MMP26: variants seen among roughly 807,000 people sequenced by gnomAD.
MMP26 encodes matrix metalloproteinase-26.
MMP26 carries 33 observed loss-of-function variants against 31.0 expected under a neutral mutation model. The observed-to-expected ratio is 1.06, with a 90% CI of 0.81 to 1.42. MMP26 has a LOEUF of 1.42. Among genes scored for constraint, MMP26 ranks in the 40% most tolerant of loss-of-function variants. MMP26 has a pLI of 0.00. For synonymous variants in MMP26, 122 were observed against 114.9 expected (o/e 1.06, Z -0.40); for missense variants, 347 against 316.1 (o/e 1.10, Z -0.74).
At chr11:4,720,073 T>C (rs1400620041) in intron 1 of MMP26, among the ~76,000 whole-genome samples, 1 of 152,208 alleles carries the variant, frequency 6.6e-6, no homozygotes, top group Non-Finnish European at 1.5e-5. Flanking sequence ...CCTTTGCCTC[T>C]GGCCTCCTTG....
chr11:4,907,487 A>G, intron 2 of MMP26: 2 of 1,613,818 alleles, frequency 1.2e-6, no homozygotes, highest in African/African-American at 1.3e-5. Flanking sequence ...GCTTGCCATC[A>G]TGGGCAACTG....
intron 1 of MMP26, chr11:4,710,115 C>T (rs1329186445): frequency 4.4e-6 from 2 of 456,688 alleles, no homozygotes; most frequent in South Asian, 3.1e-5. Flanking sequence ...CTACTGCTTC[C>T]ACCCTGATGC....
intron 2 of MMP26, chr11:4,908,467 AGG>A: frequency 1.5e-6 from 1 of 680,838 alleles, no homozygotes; most frequent in Non-Finnish European, 2.5e-6. Context: ...ATAACTGAAC[AGG>A]ATAGAAAAAA....
intron 2 of MMP26, chr11:4,945,500 C>G (rs1846281287): frequency 1.3e-5 from 2 of 153,180 alleles, no homozygotes; most frequent in Non-Finnish European, 2.9e-5. Flanking sequence ...TTAAAAGAGA[C>G]ACTTACACAT....
intron 1 of MMP26, among the ~76,000 whole-genome samples, chr11:4,713,075 A>T (rs544505216): frequency 6.6e-6 from 1 of 152,114 alleles, no homozygotes; most frequent in African/African-American, 2.4e-5. Flanking sequence ...AAACGGATAT[A>T]TCAGAGTTTA....
intron 2 of MMP26, among the ~76,000 whole-genome samples, chr11:4,775,170 A>G (rs1042957590): frequency 6.6e-6 from 1 of 152,134 alleles, no homozygotes; most frequent in Non-Finnish European, 1.5e-5. Context: ...GAAGAATGTC[A>G]GTGGTAATTT....
chr11:4,992,319 CA>C lies in MMP26; in HGVS notation c.*78del. 6.9e-7 allele frequency: 1 copy of C among 1,453,158 alleles called. No individual in the cohort carries two copies. The highest frequency in any genetic ancestry group is 1.2e-5 in the South Asian group (1 of 81,394). The allele number at this position is 1,453,158 out of a possible 1,614,324, so 90.0% of individuals were successfully genotyped here. On this transcript the variant is annotated 3_prime_UTR_variant, in exon 8 of 8. Transcript: ENST00000380390. ...GATCAAAGAACTGAAAGCACTAGAG[CA>C]GCCTTGGGGACTGCTAGGATGAAGC...
Position 4,831,231 on chromosome 11 carries a change from C to T in MMP26, c.-145+63890C>T, listed in dbSNP as rs532130464. 1.7e-3 allele frequency among the ~76,000 whole-genome samples: 257 copies of T among 152,258 alleles called. 2 individuals are homozygous for T. Among genetic ancestry groups the T allele is most frequent in the African/African-American group, 5.9e-3 (245 of 41,544 alleles). On this transcript the variant is annotated intron_variant, in intron 2 of 7. Transcript: ENST00000380390. ...TTCCATGAAAGGACAAATGATCACACGTGGCCATCCTCTCTGCACCTCTTG... is the reference window on the plus strand; with the variant it reads ...TTCCATGAAAGGACAAATGATCACATGTGGCCATCCTCTCTGCACCTCTTG...
chr11:4,824,095 T>A (rs1189017265), intron 2 of MMP26, among the ~76,000 whole-genome samples: 2 of 152,144 alleles, frequency 1.3e-5, no homozygotes, highest in Non-Finnish European at 2.9e-5. Flanking sequence ...TTTTATTACA[T>A]ACTGGTAGTA....
chr11:4,748,004 T>G (rs73393019), intron 1 of MMP26, among the ~76,000 whole-genome samples: 7,235 of 151,512 alleles, frequency 0.048, 539 homozygotes, highest in African/African-American at 0.17. Flanking sequence ...TCAACAAAAT[T>G]AAAAGGTGGT....
intron 2 of MMP26, among the ~76,000 whole-genome samples, chr11:4,888,786 A>G (rs1407118129): frequency 6.6e-6 from 1 of 152,206 alleles, no homozygotes; most frequent in Non-Finnish European, 1.5e-5. Context: ...ATTGCTAACC[A>G]ACTCATAGCT....
At position 4,881,081 on chromosome 11, in the gene MMP26, T is replaced by C. The variant is rs116257654; in HGVS notation, c.-144-106987T>C. On this transcript the variant is annotated intron_variant, in intron 2 of 7. Transcript: ENST00000380390. ...AAGAGAGAAAGCACTAATATATTGCTCTGGTTAGCCAGCAATGTTGAGAAA... is the reference window on the plus strand; with the variant it reads ...AAGAGAGAAAGCACTAATATATTGCCCTGGTTAGCCAGCAATGTTGAGAAA... Among the ~76,000 whole-genome samples, 732 of 152,250 alleles carry C rather than the reference T, an allele frequency of 4.8e-3. 5 individuals carry two copies. The highest frequency in any genetic ancestry group is 0.016 in the African/African-American group (665 of 41,556).
At chr11:4,966,107 C>T (rs944447307) in intron 2 of MMP26, among the ~76,000 whole-genome samples, 2 of 152,116 alleles carry the variant, frequency 1.3e-5, no homozygotes, top group East Asian at 1.9e-4. Context: ...TTATTCATGA[C>T]GCTTTTTAAG....
At chr11:4,733,179 T>C (rs2133285523) in intron 1 of MMP26, among the ~76,000 whole-genome samples, 1 of 152,368 alleles carries the variant, frequency 6.6e-6, no homozygotes, top group African/African-American at 2.4e-5. Context: ...AGCTTGACAA[T>C]TTATGCAAAG....
At chr11:4,761,100 A>T (rs1410834829) in intron 1 of MMP26, among the ~76,000 whole-genome samples, 1 of 152,178 alleles carries the variant, frequency 6.6e-6, no homozygotes, top group Admixed American at 6.5e-5. Context: ...ACCAAGGGTA[A>T]GCGGGGAGAG....
intron 2 of MMP26, among the ~76,000 whole-genome samples, chr11:4,968,390 T>G (rs894842626): frequency 2.4e-4 from 37 of 152,004 alleles, no homozygotes; most frequent in African/African-American, 8.2e-4. Flanking sequence ...CTTTGAGAGT[T>G]TTCAGAGGCC....
At chr11:4,963,915 T>A (rs994887430) in intron 2 of MMP26, among the ~76,000 whole-genome samples, 1 of 152,220 alleles carries the variant, frequency 6.6e-6, no homozygotes, top group Non-Finnish European at 1.5e-5. Context: ...ATGTCTTCTT[T>A]TGAGAAGTAT....
intron 2 of MMP26, among the ~76,000 whole-genome samples, chr11:4,820,095 CTT>C (rs1318871573): frequency 6.6e-6 from 1 of 152,178 alleles, no homozygotes; most frequent in African/African-American, 2.4e-5. Flanking sequence ...TAGTATGTCT[CTT>C]TAAAATCATA....
chr11:4,756,833 GAC>G (rs1029915340), intron 1 of MMP26: 2 of 151,348 alleles, frequency 1.3e-5, no homozygotes, highest in African/African-American at 4.9e-5. Context: ...AAAAAACTAA[GAC>G]ACTGACGACT....
Sources: allele counts gnomAD v4.1 joint callset (sites outside exome capture counted in the v4.1 genomes callset), GRCh38; gene constraint gnomAD v4.1.1; transcripts MANE v1.5; gene names NCBI Gene and HGNC (gene_info 2026-07-23, HGNC 2026-07-21).